The following U2SURP variants were observed in gnomAD, a reference collection of about 807,000 sequenced individuals.
U2SURP encodes U2 snRNP associated SURP domain containing, also known as U2 snRNP-associated SURP motif-containing protein.
In U2SURP, 9 loss-of-function variants were observed where a neutral mutation model predicts 144.9. The observed-to-expected ratio is 0.06, with a 90% confidence interval of 0.04 to 0.11. The LOEUF (loss-of-function observed/expected upper bound fraction) is 0.11. Ranked by LOEUF, U2SURP falls within the 10% of genes least tolerant of loss-of-function variation. The pLI, the probability that U2SURP is intolerant of heterozygous loss-of-function variation, is 1.00. For missense variants in U2SURP, 724 were observed against 1,226.7 expected, an observed-to-expected ratio of 0.59 and a Z score of 6.12; for synonymous variants, 408 against 396.8, an observed-to-expected ratio of 1.03 and a Z score of -0.33.
At chr3:143,043,009 G>A (rs1306432958) in intron 23 of U2SURP, 108 bp from the exon 24 acceptor site, 1 of 1,081,036 alleles carries the variant, frequency 9.3e-7, no homozygotes, top group African/African-American at 1.6e-5. Flanking sequence ...ATTATGTTTT[G>A]GCTATGTTAT....
intron 25 of U2SURP, 30 bp downstream of exon 25, chr3:143,051,079 A>G (rs766978738): frequency 2.3e-5 from 31 of 1,366,442 alleles, no homozygotes; most frequent in Admixed American, 1.4e-4. Context: ...AATAATACAC[A>G]TATTTTGAAG....
At chr3:143,033,480 C>A in intron 18 of U2SURP, 130 bp downstream of exon 18, 4 of 560,158 alleles carry the variant, frequency 7.1e-6, no homozygotes, top group South Asian at 2.4e-5. Flanking sequence ...TCTGTGGGTT[C>A]CTTATCCATG....
chr3:143,012,867 C>G (rs1263984950), intron 3 of U2SURP, among the ~76,000 whole-genome samples: 2 of 152,078 alleles, frequency 1.3e-5, no homozygotes, highest in Non-Finnish European at 2.9e-5. Flanking sequence ...GACTTTTATT[C>G]TATGTCAAGT....
chr3:143,010,784 AATT>A (rs778061657), intron 1 of U2SURP, 28 bp from the exon 2 acceptor site: 1 of 1,570,728 alleles, frequency 6.4e-7, no homozygotes, highest in Non-Finnish European at 8.7e-7. Context: ...AGACATTTTA[AATT>A]ATTGACTTTT....
At chr3:143,016,004 A>C (rs1936356989) in intron 4 of U2SURP, among the ~76,000 whole-genome samples, 1 of 152,140 alleles carries the variant, frequency 6.6e-6, no homozygotes, top group South Asian at 2.1e-4. Context: ...AGTTGTCTCT[A>C]GACAAATTTA....
chr3:143,021,342 C>G lies in U2SURP; in HGVS notation c.734-8C>G, dbSNP rs751131097. On this transcript the variant is annotated splice_polypyrimidine_tract_variant and splice_region_variant and intron_variant, in intron 8 of 27. Transcript: ENST00000473835. Reference sequence around the variant, plus strand: ...AACTAATAATTGTCTTCTTTTCTCCCCTTTAAGTGGACGCGCCTTCAAGAA... The same window carrying G: ...AACTAATAATTGTCTTCTTTTCTCCGCTTTAAGTGGACGCGCCTTCAAGAA... 1 of 1,589,144 alleles carries G rather than the reference C, an allele frequency of 6.3e-7. No homozygotes were observed. Among genetic ancestry groups the G allele is most frequent in the South Asian group, 1.1e-5 (1 of 87,694 alleles).
At chr3:143,017,842 T>C (rs1936446748) in intron 6 of U2SURP, among the ~76,000 whole-genome samples, 1 of 149,634 alleles carries the variant, frequency 6.7e-6, no homozygotes, top group Non-Finnish European at 1.5e-5. Flanking sequence ...CAGGCTGGTC[T>C]CAAACTCCTG....
intron 11 of U2SURP, 63 bp downstream of exon 11, chr3:143,022,725 T>G: frequency 6.6e-7 from 1 of 1,508,870 alleles, no homozygotes; most frequent in Non-Finnish European, 8.9e-7. Context: ...GAAAAGTATT[T>G]ATAAAAACTA....
intron 24 of U2SURP, among the ~76,000 whole-genome samples, chr3:143,048,976 C>T (rs376835257): frequency 5.3e-5 from 8 of 151,018 alleles, no homozygotes; most frequent in Non-Finnish European, 8.8e-5. Context: ...CACTTGGGGC[C>T]GGGCATGGCG....
chr3:143,050,957 C>A lies in U2SURP; in HGVS notation c.2563C>A (p.Gln855Lys). The change falls in exon 25 of 28, where the codon CAG becomes AAG. Residue 855 changes from glutamine to lysine, a missense_variant. Physicochemically the swap from Gln to Lys is moderately conservative, Grantham distance 53. Transcript: ENST00000473835. Reference protein sequence around the residue: ...REIELKVMKFQDELESGKRPK... With the variant: ...REIELKVMKFKDELESGKRPK... ...TTCACAGCTCAAAGTTATGAAGTTT[C>A]AGGATGAATTGGAATCTGGGAAAAG... The A allele has an allele frequency of 6.2e-7, 1 of 1,611,148 alleles. No homozygotes were observed. The highest frequency in any genetic ancestry group is 1.1e-5 in the South Asian group (1 of 90,524).
At chr3:143,015,718 T>A (rs1936338786) in intron 4 of U2SURP, among the ~76,000 whole-genome samples, 1 of 152,112 alleles carries the variant, frequency 6.6e-6, no homozygotes, top group East Asian at 1.9e-4. Flanking sequence ...TTATGTTCCA[T>A]TGGCCTTTCT....
chr3:143,035,003 C>G (rs1370977845), intron 19 of U2SURP, 28 bp downstream of exon 19: 2 of 1,154,722 alleles, frequency 1.7e-6, no homozygotes, highest in African/African-American at 1.7e-5. Context: ...CTATTTTTGC[C>G]CTAGTGTTTT....
intron 1 of U2SURP, among the ~76,000 whole-genome samples, chr3:143,010,476 C>CGATG (rs1936067484): frequency 6.6e-6 from 1 of 152,136 alleles, no homozygotes; most frequent in South Asian, 2.1e-4. Flanking sequence ...TGGCAGTAAA[C>CGATG]GATGCATCTA....
chr3:143,040,855 T>C (rs146046862), intron 23 of U2SURP, among the ~76,000 whole-genome samples: 1 of 151,902 alleles, frequency 6.6e-6, no homozygotes, highest in South Asian at 2.1e-4. Context: ...TTCAGCCATC[T>C]AGACCCTTTC....
Position 143,021,522 on chromosome 3 carries a change from T to C in U2SURP, c.819T>C (p.Thr273=). The C allele has an allele frequency of 4.3e-6, 7 of 1,613,812 alleles. No homozygotes were observed. Among genetic ancestry groups the C allele is most frequent in the Non-Finnish European group, 5.9e-6 (7 of 1,179,792 alleles). ...PGSHDVGDPS[T]TNLYLGNINP... Reference sequence around the variant, plus strand: ...CACATGATGTAGGAGATCCAAGCACTACTAATTTATACCTTGGAAACATTA... The same window carrying C: ...CACATGATGTAGGAGATCCAAGCACCACTAATTTATACCTTGGAAACATTA... Residue 273 remains threonine, a synonymous_variant, in exon 10 of 28, where the codon ACT becomes ACC. Transcript: ENST00000473835.
chr3:143,048,589 A>G (rs1246204903), intron 24 of U2SURP, among the ~76,000 whole-genome samples: 2 of 152,222 alleles, frequency 1.3e-5, no homozygotes, highest in African/African-American at 2.4e-5. Context: ...AGGAGAGAAC[A>G]TCAAAGCTCT....
intron 24 of U2SURP, among the ~76,000 whole-genome samples, chr3:143,050,149 C>A (rs1320036997): frequency 4.6e-5 from 7 of 152,118 alleles, no homozygotes; most frequent in Admixed American, 6.5e-5. Flanking sequence ...TCTCGGCTCA[C>A]CGCAACCTCC....
intron 24 of U2SURP, among the ~76,000 whole-genome samples, chr3:143,044,691 C>T (rs535785024): frequency 4.9e-4 from 75 of 152,240 alleles, no homozygotes; most frequent in African/African-American, 1.5e-3. Context: ...ATTCATTGAA[C>T]GGTATTTTTG....
Position 143,022,425 on chromosome 3 carries a change from A to G in U2SURP, c.853-72A>G, listed in dbSNP as rs533806492. 2.2e-5 allele frequency: 30 copies of G among 1,384,892 alleles called. No homozygotes were observed. In the African/African-American group the frequency reaches 3.3e-4, roughly 15 times the overall value. The allele number at this position is 1,384,892 out of a possible 1,614,324, so 85.8% of individuals were successfully genotyped here. On this transcript the variant is annotated intron_variant, in intron 10 of 27. Transcript: ENST00000473835. ...TGTTGCTTTTTATTTTGTAAAAACT[A>G]CTTTGTTTTCTGAAAATAATTTTTT...
Sources: allele counts gnomAD v4.1 joint callset (sites outside exome capture counted in the v4.1 genomes callset), GRCh38; gene constraint gnomAD v4.1.1; transcripts MANE v1.5; gene names NCBI Gene and HGNC (gene_info 2026-07-23, HGNC 2026-07-21).